RAB29: variants seen among roughly 807,000 people sequenced by gnomAD.
RAB29 encodes the protein ras-related protein Rab-29.
RAB29 carries 13 observed loss-of-function variants against 25.5 expected under a neutral mutation model. The observed-to-expected ratio is 0.51, with a 90% CI of 0.33 to 0.81. RAB29 has a LOEUF of 0.81. Ranked by LOEUF, RAB29 falls within the 30% of genes least tolerant of loss-of-function variation. The probability of loss-of-function intolerance (pLI) is 0.02; values close to 1 mark genes in which losing one functional copy is unlikely to be tolerated. For missense variants in RAB29, 201 were observed against 254.9 expected (o/e 0.79, Z 1.44); for synonymous variants, 88 against 95.0 (o/e 0.93, Z 0.43).
In RAB29 at chr1:205,771,543, T is replaced by C; in HGVS notation, c.307A>G (p.Lys103Glu). ...ATTFSNSQRW[K>E]QDLDSKLTLP... Reference sequence around the variant, plus strand: ...GTGAGCTTGCTGTCTAGGTCCTGTTTCCACCTCTGGCTGTTGCTGAAGGTA... The same window carrying C: ...GTGAGCTTGCTGTCTAGGTCCTGTTCCCACCTCTGGCTGTTGCTGAAGGTA... The change falls in exon 4 of 6, where the codon AAA becomes GAA. Residue 103 changes from lysine (K) to glutamate (E), a missense_variant. Coordinates refer to ENST00000367139, the MANE Select transcript of RAB29 (RefSeq NM_003929.3). The C allele has an allele frequency of 1.2e-6, 2 of 1,614,192 alleles. No homozygotes were observed. Among genetic ancestry groups the C allele is most frequent in the Non-Finnish European group, 1.7e-6 (2 of 1,180,030 alleles).
Position 205,773,601 on chromosome 1 carries a change from G to A in RAB29, c.125-1034C>T, listed in dbSNP as rs370360633. 3.3e-3 allele frequency among the ~76,000 whole-genome samples: 498 copies of A among 152,254 alleles called. 4 individuals are homozygous for A. Among genetic ancestry groups the A allele is most frequent in the African/African-American group, 0.012 (485 of 41,538 alleles). Reference sequence around the variant, plus strand: ...AGTGGTGCGAACGGGGCTCACTGAAGCCTCGACCTCCCCAGTTCAAGCAAT... The same window carrying A: ...AGTGGTGCGAACGGGGCTCACTGAAACCTCGACCTCCCCAGTTCAAGCAAT... On this transcript the variant is annotated intron_variant, in intron 2 of 5. Transcript: ENST00000367139.
chr1:205,774,795 T>TGCA, intron 2 of RAB29, 38 bp downstream of exon 2: 6 of 860,522 alleles, frequency 7.0e-6, no homozygotes, highest in Non-Finnish European at 1.1e-5. Context: ...CGGGGCCTCC[T>TGCA]CCTCCCCCTC....
intron 4 of RAB29, 159 bp downstream of exon 4, chr1:205,771,304 AAAAAAAAAG>A: frequency 1.2e-6 from 1 of 828,600 alleles, no homozygotes; most frequent in Non-Finnish European, 1.9e-6. Context: ...GTCTCAAAAA[AAAAAAAAAG>A]AAAGAAAGTC....
intron 3 of RAB29, 113 bp from the exon 4 acceptor site, chr1:205,771,766 C>G: frequency 9.3e-7 from 1 of 1,080,264 alleles, no homozygotes; most frequent in Non-Finnish European, 1.4e-6. Context: ...CTTTCCCCCT[C>G]TGACTCTTGG....
chr1:205,775,235 C>A, intron 1 of RAB29, 38 bp downstream of exon 1: 1 of 383,266 alleles, frequency 2.6e-6, no homozygotes, highest in South Asian at 3.0e-5. Context: ...GGCCTGACTG[C>A]CGAGAAACTG....
intron 2 of RAB29, 38 bp downstream of exon 2, chr1:205,774,795 T>TACAA: frequency 3.5e-6 from 3 of 860,522 alleles, no homozygotes; most frequent in Non-Finnish European, 5.5e-6. Context: ...CGGGGCCTCC[T>TACAA]CCTCCCCCTC....
rs1400999837 is a variant in RAB29 at position 205,774,865 on chromosome 1, C to T, written c.92G>A (p.Ser31Asn). 1 of 1,602,948 alleles carries T rather than the reference C, an allele frequency of 6.2e-7. No individual in the cohort carries two copies. Among genetic ancestry groups the T allele is most frequent in the East Asian group, 2.3e-5 (1 of 44,142 alleles). Reference protein sequence around the residue: ...TSLVQRYSQDSFSKHYKSTVG... With the variant: ...TSLVQRYSQDNFSKHYKSTVG... ...CGTGGACTTGTAGTGTTTGCTGAAG[C>T]TGTCCTGGGAATATCGCTGCACCAG... The change falls in exon 2 of 6, where the codon AGC becomes AAC. Residue 31 changes from serine (S) to asparagine (N), a missense_variant. Physicochemically the swap from Ser to Asn is conservative, Grantham distance 46 (BLOSUM62 1). Coordinates refer to ENST00000367139, the MANE Select transcript of RAB29 (RefSeq NM_003929.3).
rs557212356 is a variant in RAB29 at position 205,775,412 on chromosome 1, T to G, written c.-270A>C. The G allele has an allele frequency of 3.9e-5, 6 of 155,258 alleles. No individual in the cohort carries two copies. Among genetic ancestry groups the G allele is most frequent in the Non-Finnish European group, 8.6e-5 (6 of 69,874 alleles). The allele number at this position is 155,258 out of a possible 1,614,324, so 9.6% of individuals were successfully genotyped here. A position where few individuals can be genotyped will look rare whatever the true frequency, so the allele number is the denominator to read the frequency against. ...AGGAGCAGCCGGCACCTCGATTCCC[T>G]AGACGCCCTCCCGCGCGCCTCTCTC... is the stretch of plus-strand genomic sequence containing the variant. On this transcript the variant is annotated 5_prime_UTR_variant, in exon 1 of 6. Coordinates refer to ENST00000367139, the MANE Select transcript of RAB29 (RefSeq NM_003929.3).
rs921908340 is a variant in RAB29 at position 205,769,213 on chromosome 1, CTCTTT to C, written c.*1124_*1128del. 22 of 152,288 alleles carry C rather than the reference CTCTTT, an allele frequency of 1.4e-4. No individual in the cohort carries two copies. Among genetic ancestry groups the C allele is most frequent in the African/African-American group, 4.3e-4 (18 of 41,540 alleles). 9.4% of individuals were successfully genotyped at this position (152,288 alleles called of 1,614,324 possible). On this transcript the variant is annotated 3_prime_UTR_variant, in exon 6 of 6. Coordinates refer to ENST00000367139, the MANE Select transcript of RAB29 (RefSeq NM_003929.3). ...GCCCCAGTGGAGGTTGTTAACTTCTCTCTTTTCTTCTTCCATTCAGATTCCCAAAG... is the reference window on the plus strand; with the variant it reads ...GCCCCAGTGGAGGTTGTTAACTTCTCTCTTCTTCCATTCAGATTCCCAAAG...
At position 205,770,411 on chromosome 1, in the gene RAB29, G is replaced by A. The variant is rs200131208; in HGVS notation, c.543C>T (p.Ile181=). 1.2e-5 allele frequency: 19 copies of A among 1,614,204 alleles called. No homozygotes were observed. The East Asian group carries it at 4.2e-4, about 36-fold the overall frequency. Residue 181 remains isoleucine (I), a synonymous_variant, in exon 6 of 6, where the codon ATC becomes ATT. Coordinates refer to ENST00000367139, the MANE Select transcript of RAB29 (RefSeq NM_003929.3). ...AGTCCCCTTGGGTGGACAAAGACATGATATCTTCTGTGGAATTTCTCATCA... is the reference window on the plus strand; with the variant it reads ...AGTCCCCTTGGGTGGACAAAGACATAATATCTTCTGTGGAATTTCTCATCA... ...EKMMRNSTED[I]MSLSTQGDYI...
chr1:205,770,624 T>A, intron 5 of RAB29, 109 bp downstream of exon 5: 7 of 1,543,612 alleles, frequency 4.5e-6, no homozygotes, highest in Non-Finnish European at 6.2e-6. Flanking sequence ...GGGGCTAGCA[T>A]TCCAATGGCT....
At position 205,771,394 on chromosome 1, in the gene RAB29, C is replaced by T. The variant is rs1571614877; in HGVS notation, c.378+78G>A. 3.5e-5 allele frequency: 53 copies of T among 1,532,012 alleles called. No homozygotes were observed. In the East Asian group the frequency reaches 1.2e-3, roughly 33 times the overall value. The allele number at this position is 1,532,012 out of a possible 1,614,324, so 94.9% of individuals were successfully genotyped here. On this transcript the variant is annotated intron_variant, in intron 4 of 5. Coordinates refer to ENST00000367139, the MANE Select transcript of RAB29 (RefSeq NM_003929.3). ...CAACTTAAGAAGGGGAAATGGATGC[C>T]CAGAATCAGAGAGCATTTTACTTCC... is the stretch of plus-strand genomic sequence containing the variant.
In RAB29 at chr1:205,771,500, G is replaced by A. The variant is rs766320142; in HGVS notation, c.350C>T (p.Pro117Leu). The A allele has an allele frequency of 1.3e-5, 21 of 1,614,002 alleles. No homozygotes were observed. Among genetic ancestry groups the A allele is most frequent in the African/African-American group, 2.7e-5 (2 of 74,926 alleles). Residue 117 changes from proline to leucine, a missense_variant, in exon 4 of 6, where the codon CCG becomes CTG. Pro to Leu is a moderately conservative substitution (Grantham distance 98). Transcript: ENST00000367139. Reference sequence around the variant, plus strand: ...GTTGGCCAAGAGCAGGCAGGGCACCGGCTCTCCATTGGGTAGTGTGAGCTT... The same window carrying A: ...GTTGGCCAAGAGCAGGCAGGGCACCAGCTCTCCATTGGGTAGTGTGAGCTT... ...DSKLTLPNGE[P>L]VPCLLLANKC...
At chr1:205,774,793 C>CCGGCAG in intron 2 of RAB29, 40 bp downstream of exon 2, 2 of 1,245,292 alleles carry the variant, frequency 1.6e-6, no homozygotes, top group Non-Finnish European at 2.3e-6. Context: ...GTCGGGGCCT[C>CCGGCAG]CTCCTCCCCC....
chr1:205,770,705 T>C, intron 5 of RAB29, 28 bp downstream of exon 5: 1 of 1,613,744 alleles, frequency 6.2e-7, no homozygotes, highest in South Asian at 1.1e-5. Context: ...TGGATACATC[T>C]GCATGCCTAT....
chr1:205,771,614 C>T lies in RAB29; in HGVS notation c.236G>A (p.Arg79Gln), dbSNP rs962145999. 1.2e-6 allele frequency: 2 copies of T among 1,613,978 alleles called. No individual in the cohort carries two copies. The highest frequency in any genetic ancestry group is 2.2e-5 in the East Asian group (1 of 44,890). Residue 79 changes from arginine to glutamine, a missense_variant, in exon 4 of 6, where the codon CGG becomes CAG. Transcript: ENST00000367139. ...CATAATAACACAGGCAGAGGCATCC[C>T]GATAATACAATCGTGTCATAGAGGT... is the stretch of plus-strand genomic sequence containing the variant. Reference protein sequence around the residue: ...RFTSMTRLYYRDASACVIMFD... With the variant: ...RFTSMTRLYYQDASACVIMFD...
At chr1:205,774,792 T>TCCACCAAC in intron 2 of RAB29, 41 bp downstream of exon 2, 2 of 1,287,998 alleles carry the variant, frequency 1.6e-6, no homozygotes, top group African/African-American at 1.5e-5. Flanking sequence ...GGTCGGGGCC[T>TCCACCAAC]CCTCCTCCCC....
Position 205,769,082 on chromosome 1 carries a change from T to C in RAB29, c.*1260A>G, listed in dbSNP as rs544907882. 1 of 152,336 alleles carries C rather than the reference T, an allele frequency of 6.6e-6. No individual in the cohort carries two copies. Among genetic ancestry groups the C allele is most frequent in the South Asian group, 2.1e-4 (1 of 4,828 alleles). The allele number at this position is 152,336 out of a possible 1,614,324, so 9.4% of individuals were successfully genotyped here. A position where few individuals can be genotyped will look rare whatever the true frequency, so the allele number is the denominator to read the frequency against. Reference sequence around the variant, plus strand: ...TACTAAAAAGCCCTGCCCAATTTAGTACTTAAATTACCTAATGATTTTCTG... The same window carrying C: ...TACTAAAAAGCCCTGCCCAATTTAGCACTTAAATTACCTAATGATTTTCTG... On this transcript the variant is annotated 3_prime_UTR_variant, in exon 6 of 6. Transcript: ENST00000367139.
In RAB29 at chr1:205,769,029, CA is replaced by C. The variant is rs1654854604; in HGVS notation, c.*1312del. 6.6e-6 allele frequency: 1 copy of C among 152,118 alleles called. No individual in the cohort carries two copies. Among genetic ancestry groups the C allele is most frequent in the Non-Finnish European group, 1.5e-5 (1 of 68,022 alleles). The allele number at this position is 152,118 out of a possible 1,614,324, so 9.4% of individuals were successfully genotyped here. On this transcript the variant is annotated 3_prime_UTR_variant, in exon 6 of 6. Transcript: ENST00000367139. ...AATCACCATCCTAGAGATAATTTAA[CA>C]AATTAAATGGTCTAGTAGTGATTTG...
Sources: allele counts gnomAD v4.1 joint callset (sites outside exome capture counted in the v4.1 genomes callset), GRCh38; gene constraint gnomAD v4.1.1; transcripts MANE v1.5; gene names NCBI Gene and HGNC (gene_info 2026-07-23, HGNC 2026-07-21).